Variants in SPRED1 observed in about 807,000 individuals in gnomAD.
SPRED1 encodes sprouty-related, EVH1 domain-containing protein 1.
A neutral mutation model predicts 52.3 loss-of-function variants in SPRED1; 18 were observed. The observed-to-expected ratio is 0.34, with a 90% CI of 0.24 to 0.51. The LOEUF is 0.51. Ranked by LOEUF, SPRED1 falls within the 20% of genes least tolerant of loss-of-function variation. The probability of loss-of-function intolerance (pLI) is 0.97; values close to 1 mark genes in which losing one functional copy is unlikely to be tolerated. For synonymous variants in SPRED1, 155 were observed against 179.7 expected (o/e 0.86, Z 1.10); for missense variants, 485 against 551.0 (o/e 0.88, Z 1.20).
At position 38,261,369 on chromosome 15, in the gene SPRED1, A is replaced by T. The variant is rs551069050; in HGVS notation, c.32+8152A>T. Among the ~76,000 whole-genome samples the T allele has an allele frequency of 4.6e-5, 7 of 152,258 alleles. No individual in the cohort carries two copies. The East Asian group carries it at 1.4e-3, about 29-fold the overall frequency. On this transcript the variant is annotated intron_variant, in intron 1 of 6. Transcript: ENST00000299084. ...ATCATTTCTGTTACTCAGATGTAGG[A>T]TTGACTGGTGGAAATTGCCTTGTGT...
intron 1 of SPRED1, among the ~76,000 whole-genome samples, chr15:38,259,725 A>C (rs1267327608): frequency 6.6e-6 from 1 of 152,146 alleles, no homozygotes; most frequent in Non-Finnish European, 1.5e-5. Flanking sequence ...ACAAATCAGT[A>C]ATGTAACACT....
At chr15:38,288,389 G>A (rs1158835984) in intron 1 of SPRED1, among the ~76,000 whole-genome samples, 1 of 152,168 alleles carries the variant, frequency 6.6e-6, no homozygotes, top group East Asian at 1.9e-4. Flanking sequence ...TACTCATGGA[G>A]CGTAAATCCT....
chr15:38,351,684 G>A lies in SPRED1; in HGVS notation c.*20G>A. 2.5e-6 allele frequency: 4 copies of A among 1,608,170 alleles called. No homozygotes were observed. The highest frequency in any genetic ancestry group is 3.4e-6 in the Non-Finnish European group (4 of 1,179,850). On this transcript the variant is annotated 3_prime_UTR_variant, in exon 7 of 7. Coordinates refer to ENST00000299084, the MANE Select transcript of SPRED1 (RefSeq NM_152594.3). Reference sequence around the variant, plus strand: ...GGATGAAATGGTCCAGTGCCAAAATGAGCTTAAAATCTTTGTTTCCAGGAA... The same window carrying A: ...GGATGAAATGGTCCAGTGCCAAAATAAGCTTAAAATCTTTGTTTCCAGGAA...
At chr15:38,272,079 A>T (rs1434869394) in intron 1 of SPRED1, among the ~76,000 whole-genome samples, 4 of 151,988 alleles carry the variant, frequency 2.6e-5, no homozygotes, top group Non-Finnish European at 5.9e-5. Flanking sequence ...AAAGGACATG[A>T]TTTTGTTCTT....
At chr15:38,342,336 A>G (rs973812132) in intron 5 of SPRED1, among the ~76,000 whole-genome samples, 2 of 152,012 alleles carry the variant, frequency 1.3e-5, no homozygotes, top group African/African-American at 4.8e-5. Flanking sequence ...GGTAATGCAC[A>G]TATCTACAGT....
chr15:38,339,278 C>T (rs1895983368), intron 4 of SPRED1, among the ~76,000 whole-genome samples: 1 of 152,108 alleles, frequency 6.6e-6, no homozygotes, highest in South Asian at 2.1e-4. Flanking sequence ...ACTCATTCAA[C>T]ACAATAGTAG....
intron 2 of SPRED1, among the ~76,000 whole-genome samples, chr15:38,304,787 C>T (rs902045952): frequency 6.6e-6 from 1 of 152,124 alleles, no homozygotes; most frequent in African/African-American, 2.4e-5. Flanking sequence ...TTTTTATTCC[C>T]CTCCTACTGC....
chr15:38,337,904 G>T (rs1252938708), intron 4 of SPRED1, among the ~76,000 whole-genome samples: 1 of 151,630 alleles, frequency 6.6e-6, no homozygotes, highest in African/African-American at 2.4e-5. Context: ...GATTATTGAG[G>T]CAGATATTCA....
chr15:38,335,135 G>A (rs370452795), intron 4 of SPRED1, among the ~76,000 whole-genome samples: 6 of 152,000 alleles, frequency 3.9e-5, no homozygotes, highest in African/African-American at 1.4e-4. Flanking sequence ...TATCTTGTGA[G>A]TCTCATGTTT....
chr15:38,310,832 G>A (rs1292434944), intron 2 of SPRED1, among the ~76,000 whole-genome samples: 1 of 152,068 alleles, frequency 6.6e-6, no homozygotes, highest in Non-Finnish European at 1.5e-5. Flanking sequence ...CTGTTACATA[G>A]ACATATTTAA....
At chr15:38,268,523 G>T (rs1053895399) in intron 1 of SPRED1, among the ~76,000 whole-genome samples, 1 of 152,160 alleles carries the variant, frequency 6.6e-6, no homozygotes, top group Non-Finnish European at 1.5e-5. Flanking sequence ...ACTTACCCTT[G>T]TGACTACCAG....
chr15:38,270,504 A>G (rs1339303605), intron 1 of SPRED1, among the ~76,000 whole-genome samples: 1 of 152,210 alleles, frequency 6.6e-6, no homozygotes, highest in East Asian at 1.9e-4. Context: ...CTATACAGGA[A>G]GCTTGGCAGG....
chr15:38,347,169 A>C (rs1440811741), intron 5 of SPRED1, among the ~76,000 whole-genome samples: 1 of 152,062 alleles, frequency 6.6e-6, no homozygotes, highest in African/African-American at 2.4e-5. Context: ...AAAAGTTTTA[A>C]AGTTTTGTCT....
At chr15:38,254,000 C>T (rs955467715) in intron 1 of SPRED1, among the ~76,000 whole-genome samples, 2 of 152,112 alleles carry the variant, frequency 1.3e-5, no homozygotes, top group Non-Finnish European at 2.9e-5. Context: ...TAAGTTTTAG[C>T]TTATTTGGGC....
Position 38,311,466 on chromosome 15 carries a change from C to T in SPRED1, c.208-10775C>T, listed in dbSNP as rs1056603833. 2.6e-5 allele frequency among the ~76,000 whole-genome samples: 4 copies of T among 152,206 alleles called. No individual in the cohort carries two copies. In the East Asian group the frequency reaches 7.7e-4, roughly 29 times the overall value. ...TAAAATAAGTTGGGAAGTACTCCCT[C>T]ATATTCTGTTTTCTGGAAAAGACTG... On this transcript the variant is annotated intron_variant, in intron 2 of 6. Coordinates refer to ENST00000299084, the MANE Select transcript of SPRED1 (RefSeq NM_152594.3).
At chr15:38,273,054 TTTTGTTAC>T (rs1373383434) in intron 1 of SPRED1, among the ~76,000 whole-genome samples, 65 of 152,344 alleles carry the variant, frequency 4.3e-4, no homozygotes, top group Non-Finnish European at 5.9e-5. Flanking sequence ...TTGTCAATTT[TTTTGTTAC>T]AATTGCTTTG....
chr15:38,338,692 C>T (rs559303662), intron 4 of SPRED1, among the ~76,000 whole-genome samples: 1 of 152,044 alleles, frequency 6.6e-6, no homozygotes, highest in Non-Finnish European at 1.5e-5. Context: ...TATGATAACC[C>T]AGTGTCATAA....
intron 1 of SPRED1, among the ~76,000 whole-genome samples, chr15:38,263,650 C>A (rs111780838): frequency 7.3e-4 from 111 of 152,138 alleles, no homozygotes; most frequent in African/African-American, 2.5e-3. Flanking sequence ...AGGATATAAC[C>A]GTTAGGATGT....
chr15:38,282,624 G>T (rs896624374), intron 1 of SPRED1, among the ~76,000 whole-genome samples: 11 of 152,220 alleles, frequency 7.2e-5, no homozygotes, highest in African/African-American at 2.7e-4. Context: ...TGGATAAGCA[G>T]TGGTAGGATG....
Sources: allele counts gnomAD v4.1 joint callset (sites outside exome capture counted in the v4.1 genomes callset), GRCh38; gene constraint gnomAD v4.1.1; transcripts MANE v1.5; gene names NCBI Gene and HGNC (gene_info 2026-07-23, HGNC 2026-07-21).